PHC3: variants seen among roughly 807,000 people sequenced by gnomAD.
The protein encoded by PHC3 is polyhomeotic-like protein 3.
A neutral mutation model predicts 107.4 loss-of-function variants in PHC3; 13 were observed. That is an observed-to-expected ratio of 0.12 (90% CI 0.08 to 0.19). PHC3 has a LOEUF of 0.19. Ranked by LOEUF, PHC3 falls within the 10% of genes least tolerant of loss-of-function variation. PHC3 has a pLI of 1.00. For missense variants in PHC3, 992 were observed against 1,210.9 expected (o/e 0.82, Z 2.68); for synonymous variants, 456 against 427.4 (o/e 1.07, Z -0.83).
At chr3:170,126,908 G>C (rs972322127) in intron 8 of PHC3, among the ~76,000 whole-genome samples, 1 of 151,698 alleles carries the variant, frequency 6.6e-6, no homozygotes. Context: ...AATATATAAG[G>C]ACTATAAAGA....
chr3:170,136,796 A>C (rs566574874), intron 6 of PHC3, 131 bp from the exon 7 acceptor site: 115 of 930,018 alleles, frequency 1.2e-4, no homozygotes, highest in Non-Finnish European at 1.9e-5. Flanking sequence ...CAAGCACTTG[A>C]AAGAACTGAT....
chr3:170,140,574 ATTTC>A (rs1292154377), intron 6 of PHC3, among the ~76,000 whole-genome samples: 1 of 105,580 alleles, frequency 9.5e-6, no homozygotes, highest in Non-Finnish European at 1.9e-5. Flanking sequence ...GTTCTTACTC[ATTTC>A]TTTTTCTTTT....
intron 11 of PHC3, among the ~76,000 whole-genome samples, chr3:170,110,010 A>T (rs1161726780): frequency 6.6e-6 from 1 of 152,018 alleles, no homozygotes. Flanking sequence ...TTATGTAAAC[A>T]TTTCTCCCCT....
rs1444423596 is a variant in PHC3, at chr3:170,097,350, C to T, written c.2868G>A (p.Gln956=). 26 of 1,613,446 alleles carry T rather than the reference C, an allele frequency of 1.6e-5. No homozygotes were observed. Among genetic ancestry groups the T allele is most frequent in the Non-Finnish European group, 2.0e-5 (24 of 1,179,548 alleles). ...CQDIADEFRA[Q]EIDGQALLLL... ...AGAGAAGGGCCTGTCCATCAATCTC[C>T]TGTGCTCTGAATTCATCTGCGATAT... Residue 956 remains glutamine, a synonymous_variant, in exon 15 of 15, where the codon CAG becomes CAA. Transcript: ENST00000495893. This position sits in a 1 kb window ranked among gnomAD's most constrained non-coding sequence, Gnocchi z 4.1.
intron 8 of PHC3, among the ~76,000 whole-genome samples, chr3:170,123,033 A>C (rs527633244): frequency 6.6e-6 from 1 of 152,208 alleles, no homozygotes; most frequent in Non-Finnish European, 1.5e-5. Flanking sequence ...TTCGATAATT[A>C]AAAAATACAA....
intron 14 of PHC3, among the ~76,000 whole-genome samples, chr3:170,100,501 TAAGTA>T (rs1020140441): frequency 2.6e-5 from 4 of 152,136 alleles, no homozygotes; most frequent in African/African-American, 9.7e-5. Flanking sequence ...TCCCATTTCA[TAAGTA>T]AAGAAGAGAG....
At chr3:170,165,375 T>C (rs1160571662) in intron 4 of PHC3, among the ~76,000 whole-genome samples, 1 of 151,966 alleles carries the variant, frequency 6.6e-6, no homozygotes, top group African/African-American at 2.4e-5. Flanking sequence ...AAATCACTCA[T>C]CACGTCCAGA....
chr3:170,123,423 C>T (rs931108146), intron 8 of PHC3, among the ~76,000 whole-genome samples: 1 of 150,362 alleles, frequency 6.7e-6, no homozygotes, highest in Non-Finnish European at 1.5e-5. Flanking sequence ...TATAATGTTC[C>T]ATACTTATGG....
rs551931875 is a variant in PHC3 at position 170,145,822 on chromosome 3, C to T, written c.574-301G>A. Among the ~76,000 whole-genome samples, 19 of 152,182 alleles carry T rather than the reference C, an allele frequency of 1.2e-4. No individual in the cohort carries two copies. In the East Asian group the frequency reaches 3.7e-3, roughly 29 times the overall value. ...CAGACCAAATTGTGTCTCAAATAAG[C>T]TATTATAGTTAAATTTTTCCTAGCT... On this transcript the variant is annotated intron_variant, in intron 5 of 14. Coordinates refer to ENST00000495893, the MANE Select transcript of PHC3 (RefSeq NM_024947.4).
At position 170,122,723 on chromosome 3, in the gene PHC3, A is replaced by T; in HGVS notation, c.1810T>A (p.Cys604Ser). The change falls in exon 9 of 15, where the codon TGT becomes AGT. Residue 604 changes from cysteine to serine, a missense_variant. Physicochemically the swap from Cys to Ser is moderately radical, Grantham distance 112. This residue lies in a region of PHC3 where 543 missense variants were observed against 590.8 expected (regional missense o/e 0.92). Transcript: ENST00000495893. Reference sequence around the variant, plus strand: ...GACTCTTCTGGCATTTCTTCTTCACACACATCTTCTACCTGATAAACCTGC... The same window carrying T: ...GACTCTTCTGGCATTTCTTCTTCACTCACATCTTCTACCTGATAAACCTGC... ...PPVVYQVEDV[C>S]EEEMPEESDE... is the part of the protein sequence containing the mutation. 6.2e-7 allele frequency: 1 copy of T among 1,613,892 alleles called. No individual in the cohort carries two copies. The highest frequency in any genetic ancestry group is 8.5e-7 in the Non-Finnish European group (1 of 1,179,872).
intron 9 of PHC3, among the ~76,000 whole-genome samples, chr3:170,122,094 T>C (rs1459157381): frequency 6.6e-6 from 1 of 151,784 alleles, no homozygotes; most frequent in Non-Finnish European, 1.5e-5. Flanking sequence ...CTCTAAAAAA[T>C]AAAAAATTAG....
intron 1 of PHC3, among the ~76,000 whole-genome samples, chr3:170,179,303 A>G (rs1378521273): frequency 6.6e-6 from 1 of 152,218 alleles, no homozygotes; most frequent in African/African-American, 2.4e-5. Context: ...GAGTATTTTA[A>G]AACATTTCTT....
At chr3:170,126,009 TG>T in intron 8 of PHC3, 1 of 969,640 alleles carries the variant, frequency 1.0e-6, no homozygotes, top group Non-Finnish European at 1.2e-6. Flanking sequence ...CTAAATAAAC[TG>T]AGGAATATTT....
rs533135427 is a variant in PHC3 at position 170,111,378 on chromosome 3, A to G, written c.2353+1982T>C. On this transcript the variant is annotated intron_variant, in intron 11 of 14. Transcript: ENST00000495893. ...AAAGGGAAGGAAGGAAAAAGAAAGAAAGAGAGAGAAAGAAAGAGGAAGGAA... is the reference window on the plus strand; with the variant it reads ...AAAGGGAAGGAAGGAAAAAGAAAGAGAGAGAGAGAAAGAAAGAGGAAGGAA... 8.1e-4 allele frequency among the ~76,000 whole-genome samples: 121 copies of G among 150,070 alleles called. 1 individual carries two copies. The highest frequency in any genetic ancestry group is 2.9e-3 in the African/African-American group (115 of 40,330).
At chr3:170,127,048 T>A (rs536601523) in intron 8 of PHC3, among the ~76,000 whole-genome samples, 1 of 152,318 alleles carries the variant, frequency 6.6e-6, no homozygotes, top group Non-Finnish European at 1.5e-5. Context: ...GAAAGTAATT[T>A]AAATTAAAAA....
In PHC3 at chr3:170,095,629, G is replaced by A. The variant is rs554995894; in HGVS notation, c.*1601C>T. On this transcript the variant is annotated 3_prime_UTR_variant, in exon 15 of 15. Coordinates refer to ENST00000495893, the MANE Select transcript of PHC3 (RefSeq NM_024947.4). ...GACTCTTTTTTTCCCCTCCTTACTC[G>A]ACTTCTGCCAAATATCTGTGTATGT... The A allele has an allele frequency of 1.3e-5, 2 of 151,900 alleles. No homozygotes were observed. The highest frequency in any genetic ancestry group is 2.1e-4 in the South Asian group (1 of 4,824). The allele number at this position is 151,900 out of a possible 1,614,324, so 9.4% of individuals were successfully genotyped here.
Position 170,096,188 on chromosome 3 carries a change from ATT to A in PHC3, c.*1040_*1041del, listed in dbSNP as rs79070639. On this transcript the variant is annotated 3_prime_UTR_variant, in exon 15 of 15. Coordinates refer to ENST00000495893, the MANE Select transcript of PHC3 (RefSeq NM_024947.4). Reference sequence around the variant, plus strand: ...CCTTATTTTATAGGACAATTTGTAGATTTTTTTTCTTTTTCTAGTATGATTAA... The same window carrying A: ...CCTTATTTTATAGGACAATTTGTAGATTTTTTCTTTTTCTAGTATGATTAA... 1.3e-5 allele frequency: 2 copies of A among 151,844 alleles called. No homozygotes were observed. Among genetic ancestry groups the A allele is most frequent in the African/African-American group, 4.8e-5 (2 of 41,324 alleles). The allele number at this position is 151,844 out of a possible 1,614,324, so 9.4% of individuals were successfully genotyped here. A position where few individuals can be genotyped will look rare whatever the true frequency, so the allele number is the denominator to read the frequency against.
intron 11 of PHC3, among the ~76,000 whole-genome samples, chr3:170,111,646 CCAAT>C (rs892134770): frequency 6.6e-6 from 1 of 152,116 alleles, no homozygotes; most frequent in African/African-American, 2.4e-5. Flanking sequence ...CAAATTAAAA[CCAAT>C]CAAACTGAAC....
At chr3:170,171,903 T>A (rs569229795) in intron 3 of PHC3, among the ~76,000 whole-genome samples, 6 of 152,298 alleles carry the variant, frequency 3.9e-5, no homozygotes, top group African/African-American at 1.4e-4. Flanking sequence ...TCAATTGAGA[T>A]CCTCCTCTGG....
Sources: gnomAD v4.1 joint callset for allele counts (sites outside exome capture counted in the v4.1 genomes callset) on GRCh38, gnomAD v4.1.1 for gene constraint, gnomAD v4.1.1 regional missense constraint, Gnocchi (gnomAD v3.1) non-coding constraint, MANE v1.5 for transcripts, NCBI Gene and HGNC (gene_info 2026-07-23, HGNC 2026-07-21) for gene names.